TRAK1: variants seen among roughly 807,000 people sequenced by gnomAD.
TRAK1 encodes the protein trafficking kinesin-binding protein 1.
In TRAK1, 33 loss-of-function variants were observed where a neutral mutation model predicts 92.1. The observed-to-expected ratio is 0.36, with a 90% confidence interval of 0.27 to 0.48. The LOEUF (loss-of-function observed/expected upper bound fraction) is 0.48, where lower values mean the gene tolerates loss of function less well. Among genes scored for constraint, TRAK1 ranks in the 20% least tolerant of loss-of-function variants. The pLI, the probability that TRAK1 is intolerant of heterozygous loss-of-function variation, is 0.99. For synonymous variants in TRAK1, 521 were observed against 517.3 expected (o/e 1.01, Z -0.10); for missense variants, 1,123 against 1,257.9 (o/e 0.89, Z 1.62).
intron 1 of TRAK1, among the ~76,000 whole-genome samples, chr3:42,019,858 A>C (rs1701665651): frequency 1.3e-5 from 2 of 152,246 alleles, no homozygotes. Context: ...CTTTAGGAGC[A>C]GGTAAACAAT....
chr3:42,023,878 C>T (rs371008234), intron 1 of TRAK1, among the ~76,000 whole-genome samples: 13 of 151,422 alleles, frequency 8.6e-5, no homozygotes, highest in East Asian at 5.8e-4. Context: ...CTCAGCCTCC[C>T]GAGTATCTGG....
At chr3:42,031,669 A>G (rs1702153573) in intron 1 of TRAK1, among the ~76,000 whole-genome samples, 1 of 152,044 alleles carries the variant, frequency 6.6e-6, no homozygotes, top group African/African-American at 2.4e-5. Flanking sequence ...AGGTGATTTG[A>G]TAGTACTTCC....
At chr3:42,113,946 C>T (rs893581882) in intron 1 of TRAK1, among the ~76,000 whole-genome samples, 4 of 152,114 alleles carry the variant, frequency 2.6e-5, no homozygotes, top group Admixed American at 6.5e-5. Context: ...TTTTCATCAC[C>T]CCAAAAGGAA....
chr3:42,028,776 T>A (rs1027217885), intron 1 of TRAK1, among the ~76,000 whole-genome samples: 4 of 152,164 alleles, frequency 2.6e-5, no homozygotes, highest in Admixed American at 6.5e-5. Context: ...AGTGGGTATT[T>A]TAATCTGCAT....
chr3:42,086,492 T>A (rs554947891), upstream of TRAK1, among the ~76,000 whole-genome samples: 7 of 151,988 alleles, frequency 4.6e-5, no homozygotes, highest in African/African-American at 1.7e-4. Flanking sequence ...TGTTTGTGTA[T>A]TTTTAGTGGA....
chr3:42,163,606 C>T (rs1049516449), intron 2 of TRAK1, among the ~76,000 whole-genome samples: 2 of 151,530 alleles, frequency 1.3e-5, no homozygotes, highest in South Asian at 2.1e-4. Flanking sequence ...CTTCTTGGGT[C>T]CCACTCCAGA....
At chr3:42,075,340 C>CAAAAAAAAA (rs60881113) in intron 1 of TRAK1, among the ~76,000 whole-genome samples, 2 of 71,104 alleles carry the variant, frequency 2.8e-5, no homozygotes, top group Non-Finnish European at 5.1e-5. Context: ...GACTCAGTCT[C>CAAAAAAAAA]AAAAAAAAAA....
At chr3:42,017,844 A>G (rs1000513745) in intron 1 of TRAK1, among the ~76,000 whole-genome samples, 3 of 152,116 alleles carry the variant, frequency 2.0e-5, no homozygotes, top group African/African-American at 7.2e-5. Flanking sequence ...TTTGTTTTCA[A>G]AATTTATTAT....
intron 2 of TRAK1, among the ~76,000 whole-genome samples, chr3:42,156,891 C>T (rs1215248494): frequency 3.3e-5 from 5 of 152,194 alleles, no homozygotes; most frequent in East Asian, 3.9e-4. Context: ...GGCTCATGCC[C>T]GTTCATAATC....
chr3:42,059,181 A>G (rs918266165), intron 1 of TRAK1, among the ~76,000 whole-genome samples: 1 of 151,852 alleles, frequency 6.6e-6, no homozygotes, highest in South Asian at 2.1e-4. Context: ...CGTAGCCTCA[A>G]CCTCCCAGGC....
At chr3:42,018,956 T>G (rs529041276) in intron 1 of TRAK1, among the ~76,000 whole-genome samples, 1 of 152,218 alleles carries the variant, frequency 6.6e-6, no homozygotes, top group African/African-American at 2.4e-5. Flanking sequence ...ACCCCGTCTC[T>G]ATTAAAAATA....
At chr3:42,133,744 G>T (rs915718212) in intron 2 of TRAK1, among the ~76,000 whole-genome samples, 2 of 152,028 alleles carry the variant, frequency 1.3e-5, no homozygotes, top group African/African-American at 4.8e-5. Flanking sequence ...TTACCTTTAC[G>T]AGCACTGCAG....
Position 42,224,158 on chromosome 3 carries a change from AC to A in TRAK1, c.*422del, listed in dbSNP as rs780327375. ...GAGCTGTCACGCGGCACGGGTCATA[AC>A]ACATCTGGGTGTCATCGGACACCTC... On this transcript the variant is annotated 3_prime_UTR_variant, in exon 16 of 16. Coordinates refer to ENST00000327628, the MANE Select transcript of TRAK1 (RefSeq NM_001042646.3). 1.5e-4 allele frequency: 66 copies of A among 452,988 alleles called. 1 individual carries two copies. The Middle Eastern group carries it at 3.7e-3, about 26-fold the overall frequency. 28.1% of individuals were successfully genotyped at this position (452,988 alleles called of 1,614,324 possible).
intron 2 of TRAK1, among the ~76,000 whole-genome samples, chr3:42,176,506 A>G (rs1472550447): frequency 3.3e-5 from 5 of 152,130 alleles, no homozygotes; most frequent in African/African-American, 9.7e-5. Flanking sequence ...AGTTTGCTGA[A>G]TATCTGTGAG....
At chr3:42,086,656 CTG>C (rs1704694175), upstream of TRAK1, among the ~76,000 whole-genome samples, 1 of 152,070 alleles carries the variant, frequency 6.6e-6, no homozygotes, top group African/African-American at 2.4e-5. Flanking sequence ...TAATTTCTCA[CTG>C]TAGCTTAAGG....
At chr3:42,092,066 C>T (rs372369413) in intron 1 of TRAK1, among the ~76,000 whole-genome samples, 2 of 152,278 alleles carry the variant, frequency 1.3e-5, no homozygotes, top group African/African-American at 4.8e-5. Flanking sequence ...TGTCTCCCTC[C>T]CTCTCTCCCG....
At chr3:42,218,702 T>G in intron 14 of TRAK1, 1 of 985,346 alleles carries the variant, frequency 1.0e-6, no homozygotes, top group Non-Finnish European at 1.2e-6. Context: ...AATAACTTGT[T>G]AGAACATTAA....
intron 2 of TRAK1, chr3:42,160,262 TG>T: frequency 6.5e-7 from 1 of 1,547,796 alleles, no homozygotes; most frequent in Non-Finnish European, 8.7e-7. Flanking sequence ...GTGTGTGCCC[TG>T]GGGGCCCAGG....
chr3:42,223,060 G>C lies in TRAK1; in HGVS notation c.2185G>C (p.Glu729Gln), dbSNP rs773573176. Residue 729 changes from glutamate (E) to glutamine (Q), a missense_variant, in exon 16 of 16, where the codon GAG (glutamate) becomes CAG (glutamine). Physicochemically the swap from Glu to Gln is conservative, Grantham distance 29. Around this residue, in one of 3 missense-constraint regions of TRAK1, gnomAD observed 401 missense variants for 438.9 expected, o/e 0.91. Transcript: ENST00000327628. The surrounding 1 kb of genome is among the most constrained non-coding windows in gnomAD (Gnocchi z 6.1). Reference sequence around the variant, plus strand: ...GGCTGAGTCCTTCACTAACACCCGTGAGTCCACGACCACCATGAGCACATC... The same window carrying C: ...GGCTGAGTCCTTCACTAACACCCGTCAGTCCACGACCACCATGAGCACATC... ...SLAESFTNTR[E>Q]STTTMSTSLG... 2 of 1,614,074 alleles carry C rather than the reference G, an allele frequency of 1.2e-6. No individual in the cohort carries two copies. The highest frequency in any genetic ancestry group is 1.1e-5 in the South Asian group (1 of 91,078).
Sources: gnomAD v4.1 joint callset for allele counts (sites outside exome capture counted in the v4.1 genomes callset) on GRCh38, gnomAD v4.1.1 for gene constraint, gnomAD v4.1.1 regional missense constraint, Gnocchi (gnomAD v3.1) non-coding constraint, MANE v1.5 for transcripts, NCBI Gene and HGNC (gene_info 2026-07-23, HGNC 2026-07-21) for gene names.